Variants in ELL observed in about 807,000 individuals in gnomAD.
ELL encodes RNA polymerase II elongation factor ELL.
ELL carries 18 observed loss-of-function variants against 64.0 expected under a neutral mutation model. The ratio of observed to expected loss-of-function variants is 0.28; its 90% CI spans 0.19 to 0.42. ELL has a LOEUF of 0.42. Ranked by LOEUF, ELL falls within the 10% of genes least tolerant of loss-of-function variation. The probability of loss-of-function intolerance (pLI) is 1.00; values close to 1 mark genes in which losing one functional copy is unlikely to be tolerated. For missense variants in ELL, 797 were observed against 870.4 expected (o/e 0.92, Z 1.06); for synonymous variants, 399 against 376.2 (o/e 1.06, Z -0.70).
intron 1 of ELL, among the ~76,000 whole-genome samples, chr19:18,517,833 G>T (rs888640557): frequency 4.0e-5 from 6 of 149,746 alleles, no homozygotes; most frequent in African/African-American, 1.5e-4. Flanking sequence ...GCCGCAGTGA[G>T]CTATGATCAC....
At chr19:18,495,551 G>T (rs972525402) in intron 1 of ELL, among the ~76,000 whole-genome samples, 1 of 152,148 alleles carries the variant, frequency 6.6e-6, no homozygotes, top group South Asian at 2.1e-4. Flanking sequence ...GCAGCGCCCC[G>T]CATGAGGGTG....
chr19:18,462,895 G>C (rs1161786571), intron 4 of ELL, among the ~76,000 whole-genome samples: 2 of 152,166 alleles, frequency 1.3e-5, no homozygotes, highest in South Asian at 2.1e-4. Flanking sequence ...CCTTAGGCCT[G>C]GTCAAGCTCT....
At position 18,465,844 on chromosome 19, in the gene ELL, G is replaced by A. The variant is rs752987499; in HGVS notation, c.258C>T (p.Arg86=). The part of the protein sequence containing the change: ...TFSFYLSNIG[R]DNPQGSFDCI... ...AGTCGAAGCTGCCCTGGGGGTTGTC[G>A]CGGCCGATGTTGGAGAGGTAGAAGG... The change falls in exon 3 of 12, where the codon CGC becomes CGT. Residue 86 remains arginine, a synonymous_variant. Transcript: ENST00000262809. The A allele has an allele frequency of 2.6e-5, 35 of 1,350,972 alleles. No individual in the cohort carries two copies. Among genetic ancestry groups the A allele is most frequent in the African/African-American group, 1.8e-4 (12 of 66,850 alleles). 83.7% of individuals were successfully genotyped at this position (1,350,972 alleles called of 1,614,324 possible).
chr19:18,501,312 G>C lies in ELL; in HGVS notation c.135+20609C>G, dbSNP rs1286238412. Among the ~76,000 whole-genome samples, 2 of 152,076 alleles carry C rather than the reference G, an allele frequency of 1.3e-5. No individual in the cohort carries two copies. Among genetic ancestry groups the C allele is most frequent in the Non-Finnish European group, 2.9e-5 (2 of 68,018 alleles). The stretch of plus-strand genomic sequence containing the variant: ...GAAGCCACCAAGCAGACCCGGATGA[G>C]AGCAATACTGTGTGTGCCCAGCACC... On this transcript the variant is annotated intron_variant, in intron 1 of 11. Coordinates refer to ENST00000262809, the MANE Select transcript of ELL (RefSeq NM_006532.4). This position sits in a 1 kb window ranked among gnomAD's most constrained non-coding sequence, Gnocchi z 4.5.
At chr19:18,511,214 C>CTGAG (rs1976013738) in intron 1 of ELL, among the ~76,000 whole-genome samples, 1 of 149,408 alleles carries the variant, frequency 6.7e-6, no homozygotes, top group Non-Finnish European at 1.5e-5. Flanking sequence ...TTGCAGTGAG[C>CTGAG]TGAGATAGCA....
chr19:18,452,513 G>A (rs926675196), intron 6 of ELL, among the ~76,000 whole-genome samples: 3 of 152,248 alleles, frequency 2.0e-5, no homozygotes, highest in Non-Finnish European at 2.9e-5. Context: ...AGAGACAAAA[G>A]GAGGAGTGAA....
intron 1 of ELL, among the ~76,000 whole-genome samples, chr19:18,506,284 G>T (rs1232185383): frequency 6.6e-6 from 1 of 152,228 alleles, no homozygotes; most frequent in Admixed American, 6.5e-5. Context: ...GACCTGCCTG[G>T]GCCACCCTCA....
rs1336692822 is a variant in ELL, at chr19:18,499,290, G to C, written c.135+22631C>G. Reference sequence around the variant, plus strand: ...ATCAGAAGATTCACTTCCAACTTATGATCTGCCATTTAAAAGCTGTGTGAC... The same window carrying C: ...ATCAGAAGATTCACTTCCAACTTATCATCTGCCATTTAAAAGCTGTGTGAC... On this transcript the variant is annotated intron_variant, in intron 1 of 11. Coordinates refer to ENST00000262809, the MANE Select transcript of ELL (RefSeq NM_006532.4). Among the ~76,000 whole-genome samples the C allele has an allele frequency of 3.9e-5, 6 of 152,162 alleles. No individual in the cohort carries two copies. In the South Asian group the frequency reaches 8.3e-4, roughly 21 times the overall value.
At chr19:18,506,058 A>C (rs1390334108) in intron 1 of ELL, among the ~76,000 whole-genome samples, 1 of 152,142 alleles carries the variant, frequency 6.6e-6, no homozygotes, top group Non-Finnish European at 1.5e-5. Flanking sequence ...AACAGTCTAG[A>C]CACCCAGAAG....
intron 6 of ELL, among the ~76,000 whole-genome samples, chr19:18,456,839 G>A (rs376768942): frequency 5.1e-4 from 78 of 152,210 alleles, no homozygotes; most frequent in Non-Finnish European, 8.7e-4. Context: ...CTAGGCTAAC[G>A]GCCTGCACTG....
At chr19:18,462,788 A>T (rs1412377981) in intron 4 of ELL, among the ~76,000 whole-genome samples, 2 of 152,188 alleles carry the variant, frequency 1.3e-5, no homozygotes, top group Non-Finnish European at 2.9e-5. Context: ...TGCTGGCCCC[A>T]TGTGGCTGCC....
intron 10 of ELL, among the ~76,000 whole-genome samples, chr19:18,445,760 C>T (rs768256492): frequency 1.8e-4 from 28 of 152,222 alleles, no homozygotes; most frequent in Non-Finnish European, 3.5e-4. Flanking sequence ...GGGGCGGCTA[C>T]GTCCAAGGCT....
chr19:18,492,197 G>A (rs1491003491), intron 1 of ELL, among the ~76,000 whole-genome samples: 1 of 152,008 alleles, frequency 6.6e-6, no homozygotes, highest in Admixed American at 6.5e-5. Context: ...CCACACCATG[G>A]GGTTACCTAC....
At chr19:18,467,404 C>T (rs1974962599) in intron 2 of ELL, among the ~76,000 whole-genome samples, 1 of 152,030 alleles carries the variant, frequency 6.6e-6, no homozygotes, top group African/African-American at 2.4e-5. Flanking sequence ...GATACAGAAA[C>T]ACAAGCTGAG....
chr19:18,457,853 C>T (rs1974715766), intron 6 of ELL, among the ~76,000 whole-genome samples: 1 of 152,184 alleles, frequency 6.6e-6, no homozygotes, highest in Non-Finnish European at 1.5e-5. Flanking sequence ...AGTGAACTTC[C>T]CAGGCCCTGT....
At chr19:18,513,608 GAA>G (rs912063645) in intron 1 of ELL, among the ~76,000 whole-genome samples, 1 of 148,558 alleles carries the variant, frequency 6.7e-6, no homozygotes, top group Non-Finnish European at 1.5e-5. Flanking sequence ...TAGTAAAAAG[GAA>G]AAAAAAAACT....
intron 1 of ELL, among the ~76,000 whole-genome samples, chr19:18,476,963 T>C (rs1053102083): frequency 1.5e-4 from 23 of 152,194 alleles, no homozygotes; most frequent in African/African-American, 5.3e-4. Flanking sequence ...GAACGCCATG[T>C]GGTATCTATA....
At position 18,444,495 on chromosome 19, in the gene ELL, C is replaced by T. The variant is rs1312777547; in HGVS notation, c.*257G>A. ...TCTGGCGAGACAGGAGGCTGAACCC[C>T]GGAGGCTGCAGCCAGGGAGGAGGCA... On this transcript the variant is annotated 3_prime_UTR_variant, in exon 12 of 12. Coordinates refer to ENST00000262809, the MANE Select transcript of ELL (RefSeq NM_006532.4). 1.1e-5 allele frequency: 5 copies of T among 451,564 alleles called. No homozygotes were observed. The highest frequency in any genetic ancestry group is 5.9e-5 in the African/African-American group (3 of 50,478). 28.0% of individuals were successfully genotyped at this position (451,564 alleles called of 1,614,324 possible).
rs1976043131 is a variant in ELL, at chr19:18,512,361, G to T, written c.135+9560C>A. 3.3e-5 allele frequency among the ~76,000 whole-genome samples: 5 copies of T among 152,174 alleles called. No homozygotes were observed. The South Asian group carries it at 6.2e-4, about 19-fold the overall frequency. On this transcript the variant is annotated intron_variant, in intron 1 of 11. Transcript: ENST00000262809. ...GAAATAAAAATAAAGAAACAGGCCA[G>T]GTGCGGTGACTCACGCCTGTAATCC...
Sources: gnomAD v4.1 joint callset for allele counts (sites outside exome capture counted in the v4.1 genomes callset) on GRCh38, gnomAD v4.1.1 for gene constraint, Gnocchi (gnomAD v3.1) non-coding constraint, MANE v1.5 for transcripts, NCBI Gene and HGNC (gene_info 2026-07-23, HGNC 2026-07-21) for gene names.